MID1: variants seen among roughly 807,000 people sequenced by gnomAD.
The protein encoded by MID1 is E3 ubiquitin-protein ligase Midline-1.
Under a neutral mutation model 40.4 loss-of-function variants are expected in MID1, and 7 were observed. That is an observed-to-expected ratio of 0.17 (90% confidence interval 0.10 to 0.33). The LOEUF is 0.33. MID1 is among the 10% of genes least tolerant of loss of function. MID1 has a pLI of 1.00. For missense variants in MID1, 367 were observed against 558.5 expected, an observed-to-expected ratio of 0.66 and a Z score of 3.46; for synonymous variants, 229 against 221.2, an observed-to-expected ratio of 1.04 and a Z score of -0.31.
chrX:10,553,271 A>ATAT (rs1555903009), intron 2 of MID1, among the ~76,000 whole-genome samples: 3 of 107,280 alleles, frequency 2.8e-5, no homozygotes, highest in African/African-American at 1.0e-4. Flanking sequence ...AAATAAAAAA[A>ATAT]ATATATATAT....
At chrX:10,665,779 C>T (rs920973879) in intron 1 of MID1, among the ~76,000 whole-genome samples, 8 of 110,180 alleles carry the variant, frequency 7.3e-5, no homozygotes, top group East Asian at 2.9e-4. Flanking sequence ...CCACCCACCT[C>T]GGCCTCCCAA....
intron 2 of MID1, among the ~76,000 whole-genome samples, chrX:10,529,754 G>A (rs1932910622): frequency 8.9e-6 from 1 of 111,841 alleles, no homozygotes; most frequent in African/African-American, 3.3e-5. Flanking sequence ...CCAGCAAAAA[G>A]AGAGTATAAT....
intron 1 of MID1, among the ~76,000 whole-genome samples, chrX:10,691,396 A>C (rs2043130615): frequency 9.0e-6 from 1 of 111,451 alleles, no homozygotes; most frequent in Admixed American, 9.5e-5. Flanking sequence ...CTGAGGCAGA[A>C]GAACATAAAT....
chrX:10,597,393 A>G (rs971543914), intron 1 of MID1, among the ~76,000 whole-genome samples: 2 of 112,257 alleles, frequency 1.8e-5, no homozygotes, highest in African/African-American at 6.5e-5. Flanking sequence ...AAAGTATTAC[A>G]GCCACCTTCC....
intron 1 of MID1, among the ~76,000 whole-genome samples, chrX:10,826,774 G>A (rs1315133226): frequency 8.9e-6 from 1 of 112,396 alleles, no homozygotes; most frequent in Non-Finnish European, 1.9e-5. Context: ...TTTCATCAAT[G>A]TTTGTCTCCT....
chrX:10,675,162 C>A lies in MID1; in HGVS notation c.-186-54743G>T, dbSNP rs903355100. On this transcript the variant is annotated intron_variant, in intron 1 of 10. Transcript: ENST00000380785. ...CAGACTTGAATAATTTGTGTTGAATCATTTTACTTGATCAGTGTTTTCATG... is the reference window on the plus strand; with the variant it reads ...CAGACTTGAATAATTTGTGTTGAATAATTTTACTTGATCAGTGTTTTCATG... Among the ~76,000 whole-genome samples the A allele has an allele frequency of 2.7e-5, 3 of 112,133 alleles. No homozygotes were observed. The East Asian group carries it at 8.3e-4, about 31-fold the overall frequency.
intron 1 of MID1, among the ~76,000 whole-genome samples, chrX:10,655,594 G>C (rs781265302): frequency 4.1e-4 from 45 of 110,707 alleles, no homozygotes; most frequent in Non-Finnish European, 8.1e-4. Context: ...CACATGAATT[G>C]GTCACAAATT....
chrX:10,555,378 C>T (rs1026102274), intron 2 of MID1, among the ~76,000 whole-genome samples: 1 of 111,940 alleles, frequency 8.9e-6, no homozygotes, highest in African/African-American at 3.2e-5. Context: ...TAGGCAATTT[C>T]CAGATATCAA....
At chrX:10,716,392 T>C (rs5979352) in intron 1 of MID1, among the ~76,000 whole-genome samples, 13,170 of 111,491 alleles carry the variant, frequency 0.12, 1,344 homozygotes, top group African/African-American at 0.33. Context: ...ATCTACGTGA[T>C]GAATGCACAA....
At chrX:10,752,773 T>C (rs2043608369) in intron 1 of MID1, among the ~76,000 whole-genome samples, 1 of 112,108 alleles carries the variant, frequency 8.9e-6, no homozygotes, top group Admixed American at 9.5e-5. Context: ...GTCTTGACCC[T>C]ACTATGGTTT....
chrX:10,669,076 G>A (rs1334198762), intron 1 of MID1, among the ~76,000 whole-genome samples: 23 of 105,660 alleles, frequency 2.2e-4, no homozygotes, highest in Admixed American at 2.1e-3. Context: ...AAAATTAGCC[G>A]GGCGCGGTGG....
At chrX:10,746,432 A>G (rs192823362) in intron 1 of MID1, among the ~76,000 whole-genome samples, 69 of 112,292 alleles carry the variant, frequency 6.1e-4, no homozygotes, top group Non-Finnish European at 1.0e-3. Context: ...TGGAACATGC[A>G]CATTCGACCA....
intron 1 of MID1, among the ~76,000 whole-genome samples, chrX:10,811,333 T>G (rs2044099547): frequency 8.9e-6 from 1 of 112,320 alleles, no homozygotes; most frequent in Non-Finnish European, 1.9e-5. Flanking sequence ...TAACCATCAC[T>G]TTGTATAGTA....
chrX:10,599,216 C>T (rs1006290621), intron 1 of MID1, among the ~76,000 whole-genome samples: 2 of 112,063 alleles, frequency 1.8e-5, no homozygotes, highest in African/African-American at 3.2e-5. Flanking sequence ...CAGGGCTCTC[C>T]GCTTTCACAC....
intron 1 of MID1, among the ~76,000 whole-genome samples, chrX:10,816,932 C>T (rs2044139226): frequency 9.0e-6 from 1 of 111,489 alleles, no homozygotes; most frequent in Admixed American, 9.6e-5. Flanking sequence ...CCAGGTGAGC[C>T]AGTGGGCCCC....
chrX:10,761,201 A>C (rs2043675518), intron 1 of MID1, among the ~76,000 whole-genome samples: 1 of 111,285 alleles, frequency 9.0e-6, no homozygotes, highest in African/African-American at 3.3e-5. Context: ...AATTGTTAAG[A>C]GAGTCTAACT....
intron 1 of MID1, among the ~76,000 whole-genome samples, chrX:10,831,415 C>T (rs898014365): frequency 9.0e-6 from 1 of 111,397 alleles, no homozygotes; most frequent in African/African-American, 3.3e-5. Flanking sequence ...CCTCTTTTAA[C>T]CAGGGCACCT....
intron 4 of MID1, among the ~76,000 whole-genome samples, chrX:10,488,512 C>G (rs1048406278): frequency 1.8e-5 from 2 of 112,050 alleles, no homozygotes; most frequent in South Asian, 7.5e-4. Context: ...AGGTAGGAAG[C>G]AGTATCTCAT....
In MID1 at chrX:10,526,653, GC is replaced by G. The variant is rs369277336; in HGVS notation, c.661-3467del. On this transcript the variant is annotated intron_variant, in intron 2 of 9. Coordinates refer to ENST00000317552, the MANE Select transcript of MID1 (RefSeq NM_000381.4). Reference sequence around the variant, plus strand: ...ACACATTGAGATTTTACAAACATCTGCTTGCTTCCCCCTCCCTTTATTAAGT... The same window carrying G: ...ACACATTGAGATTTTACAAACATCTGTTGCTTCCCCCTCCCTTTATTAAGT... Among the ~76,000 whole-genome samples the G allele has an allele frequency of 5.7e-3, 631 of 111,531 alleles. 4 individuals are homozygous for G. Among genetic ancestry groups the G allele is most frequent in the African/African-American group, 0.019 (597 of 30,700 alleles).
Sources: allele counts gnomAD v4.1 joint callset (sites outside exome capture counted in the v4.1 genomes callset), GRCh38; gene constraint gnomAD v4.1.1; transcripts MANE v1.5; gene names NCBI Gene and HGNC (gene_info 2026-07-23, HGNC 2026-07-21).